The following SPMIP2 variants were observed in gnomAD, a reference collection of about 807,000 sequenced individuals.
SPMIP2 encodes protein SPMIP2.
chr4:159,055,260 A>C, the SPMIP2 span, among the ~76,000 whole-genome samples: 10 of 152,202 alleles, frequency 6.6e-5, no homozygotes, highest in Admixed American at 6.5e-4. Context: ...AGGGTGCTCT[A>C]TAAGTGTTTG....
chr4:158,912,828 T>G, the SPMIP2 span, among the ~76,000 whole-genome samples: 1 of 152,228 alleles, frequency 6.6e-6, no homozygotes, highest in South Asian at 2.1e-4. Context: ...TAAATTATTT[T>G]GAATGATTCA....
the SPMIP2 span, among the ~76,000 whole-genome samples, chr4:159,005,176 C>T: frequency 1.2e-4 from 15 of 127,906 alleles, no homozygotes; most frequent in African/African-American, 3.6e-4. Flanking sequence ...GAGCCGAGAT[C>T]GCGCCATTGC....
the SPMIP2 span, among the ~76,000 whole-genome samples, chr4:159,040,180 T>C: frequency 6.6e-6 from 1 of 151,834 alleles, no homozygotes; most frequent in Non-Finnish European, 1.5e-5. Context: ...GTATGTATTT[T>C]TTCTTTTTTG....
At chr4:158,901,008 G>A in the SPMIP2 span, among the ~76,000 whole-genome samples, 1 of 152,076 alleles carries the variant, frequency 6.6e-6, no homozygotes, top group East Asian at 1.9e-4. Flanking sequence ...TCCTTCAGGA[G>A]CTCTTGTAAG....
chr4:158,933,432 A>C, the SPMIP2 span, among the ~76,000 whole-genome samples: 1 of 152,138 alleles, frequency 6.6e-6, no homozygotes, highest in Non-Finnish European at 1.5e-5. Flanking sequence ...ACAGAGACTC[A>C]CTATTTAAAG....
At chr4:158,964,372 C>A in the SPMIP2 span, among the ~76,000 whole-genome samples, 1 of 152,038 alleles carries the variant, frequency 6.6e-6, no homozygotes, top group East Asian at 1.9e-4. Flanking sequence ...GACTTCACAG[C>A]CGTAGTTAAC....
the SPMIP2 span, among the ~76,000 whole-genome samples, chr4:159,047,440 T>C: frequency 6.6e-6 from 1 of 152,242 alleles, no homozygotes; most frequent in Non-Finnish European, 1.5e-5. Context: ...GCAAAATTTA[T>C]GCTAGATTTT....
At chr4:159,057,971 C>G in the SPMIP2 span, among the ~76,000 whole-genome samples, 1 of 152,054 alleles carries the variant, frequency 6.6e-6, no homozygotes, top group Non-Finnish European at 1.5e-5. Flanking sequence ...CTCAATCAAT[C>G]CTCCCACCTC....
the SPMIP2 span, chr4:159,007,140 G>A: frequency 1.4e-6 from 1 of 707,360 alleles, no homozygotes; most frequent in Non-Finnish European, 2.5e-6. Flanking sequence ...CGTGTGGGGT[G>A]CGCCTGAGAC....
At chr4:158,985,057 C>T in the SPMIP2 span, among the ~76,000 whole-genome samples, 4 of 150,150 alleles carry the variant, frequency 2.7e-5, no homozygotes, top group Non-Finnish European at 6.0e-5. Flanking sequence ...TTCCTCGACA[C>T]ATACACCCTC....
At chr4:158,986,959 A>C in the SPMIP2 span, among the ~76,000 whole-genome samples, 1 of 142,216 alleles carries the variant, frequency 7.0e-6, no homozygotes, top group Middle Eastern at 3.2e-3. Context: ...ACCCCATCAA[A>C]AAGTGGGCGA....
At chr4:159,035,878 A>G in the SPMIP2 span, among the ~76,000 whole-genome samples, 1 of 152,186 alleles carries the variant, frequency 6.6e-6, no homozygotes, top group Admixed American at 6.5e-5. Flanking sequence ...CCTCTATAGC[A>G]CTGTGTTTAG....
the SPMIP2 span, among the ~76,000 whole-genome samples, chr4:159,072,173 G>A: frequency 6.6e-6 from 1 of 152,164 alleles, no homozygotes; most frequent in East Asian, 1.9e-4. Flanking sequence ...AATTAGCTAG[G>A]TGTTGTGGCG....
chr4:158,893,774 A>G, the SPMIP2 span: 1 of 1,232,368 alleles, frequency 8.1e-7, no homozygotes, highest in Non-Finnish European at 1.2e-6. Flanking sequence ...GTATTTGCCA[A>G]ACTTTTATAT....
chr4:159,025,159 T>G, the SPMIP2 span, among the ~76,000 whole-genome samples: 1 of 152,136 alleles, frequency 6.6e-6, no homozygotes, highest in Non-Finnish European at 1.5e-5. Context: ...CCTGGGATCT[T>G]GATGGAAATG....
At chr4:159,026,635 CT>C in the SPMIP2 span, 1 of 309,228 alleles carries the variant, frequency 3.2e-6, no homozygotes, top group Non-Finnish European at 6.1e-6. Context: ...GTTCAATTAT[CT>C]TTATCACAAA....
the SPMIP2 span, among the ~76,000 whole-genome samples, chr4:158,936,730 A>G: frequency 5.8e-3 from 882 of 152,316 alleles, 11 homozygotes; most frequent in African/African-American, 0.02. Flanking sequence ...GGTGTAGTCC[A>G]CACCTACAGA....
chr4:158,944,344 T>G, the SPMIP2 span, among the ~76,000 whole-genome samples: 1 of 152,084 alleles, frequency 6.6e-6, no homozygotes, highest in African/African-American at 2.4e-5. Flanking sequence ...CTGAAGAAAG[T>G]AGACATCTTA....
chr4:159,007,168 G>C, the SPMIP2 span: 2 of 950,172 alleles, frequency 2.1e-6, no homozygotes, highest in Non-Finnish European at 3.3e-6. Context: ...CTGTAAACAG[G>C]TGGAGATCTT....
Sources: allele counts gnomAD v4.1 joint callset (sites outside exome capture counted in the v4.1 genomes callset), GRCh38; gene constraint gnomAD v4.1.1; transcripts MANE v1.5; gene names NCBI Gene and HGNC (gene_info 2026-07-23, HGNC 2026-07-21).